NINL: variants seen among roughly 807,000 people sequenced by gnomAD.
The protein encoded by NINL is ninein like, also known as ninein-like protein.
A neutral mutation model predicts 160.3 loss-of-function variants in NINL; 153 were observed. That is an observed-to-expected ratio of 0.95 (90% confidence interval 0.84 to 1.09). The LOEUF is 1.09. Ranked by LOEUF, NINL falls within the 50% of genes least tolerant of loss-of-function variation. The probability of loss-of-function intolerance (pLI) is 0.00; values close to 1 mark genes in which losing one functional copy is unlikely to be tolerated. For missense variants in NINL, 1,829 were observed against 1,764.0 expected, an observed-to-expected ratio of 1.04 and a Z score of -0.66; for synonymous variants, 800 against 734.8, an observed-to-expected ratio of 1.09 and a Z score of -1.43.
intron 10 of NINL, among the ~76,000 whole-genome samples, chr20:25,492,127 C>A (rs1010705298): frequency 6.6e-6 from 1 of 152,188 alleles, no homozygotes; most frequent in African/African-American, 2.4e-5. Context: ...ACCAGCGAGG[C>A]TCCTACTTCT....
At chr20:25,510,860 T>TC in intron 4 of NINL, 120 bp from the exon 5 acceptor site, 1 of 766,778 alleles carries the variant, frequency 1.3e-6, no homozygotes, top group South Asian at 1.7e-5. Flanking sequence ...ATGGAGTCAA[T>TC]CCCTCAGAGG....
At chr20:25,550,938 G>T (rs2064800982) in intron 1 of NINL, among the ~76,000 whole-genome samples, 1 of 152,130 alleles carries the variant, frequency 6.6e-6, no homozygotes, top group Non-Finnish European at 1.5e-5. Context: ...GGACGGTAAG[G>T]TCTTTCCTTT....
At chr20:25,546,223 T>C (rs2064730272) in intron 1 of NINL, among the ~76,000 whole-genome samples, 1 of 152,198 alleles carries the variant, frequency 6.6e-6, no homozygotes, top group Non-Finnish European at 1.5e-5. Flanking sequence ...GGTTTTCCAT[T>C]AACACCTTCA....
At chr20:25,510,778 G>T in intron 4 of NINL, 38 bp from the exon 5 acceptor site, 1 of 1,535,232 alleles carries the variant, frequency 6.5e-7, no homozygotes, top group East Asian at 2.3e-5. Flanking sequence ...TGAGTTCCAG[G>T]GGGTGCTGCT....
intron 16 of NINL, among the ~76,000 whole-genome samples, chr20:25,478,138 CAGG>C (rs1789739088): frequency 1.3e-5 from 2 of 152,040 alleles, no homozygotes; most frequent in Admixed American, 1.3e-4. Flanking sequence ...TTAGTAGAGA[CAGG>C]GTTTCACCAT....
At chr20:25,512,321 A>G (rs1469908265) in intron 4 of NINL, among the ~76,000 whole-genome samples, 1 of 152,014 alleles carries the variant, frequency 6.6e-6, no homozygotes, top group Non-Finnish European at 1.5e-5. Context: ...TCCCTTTTCT[A>G]CTCTTAGCAC....
chr20:25,506,029 C>A (rs969542577), intron 5 of NINL, among the ~76,000 whole-genome samples: 6 of 152,162 alleles, frequency 3.9e-5, no homozygotes, highest in African/African-American at 1.4e-4. Context: ...TTTGGGAGAC[C>A]AAGGCGGGTA....
At chr20:25,529,909 A>C (rs914176154) in intron 1 of NINL, among the ~76,000 whole-genome samples, 1 of 152,202 alleles carries the variant, frequency 6.6e-6, no homozygotes, top group African/African-American at 2.4e-5. Context: ...AAAGGCAAGG[A>C]ATGGGGACAG....
intron 14 of NINL, among the ~76,000 whole-genome samples, chr20:25,480,805 GGGCAGGGA>G (rs2063371998): frequency 6.6e-6 from 1 of 152,194 alleles, no homozygotes; most frequent in South Asian, 2.1e-4. Context: ...TGAGACTGAC[GGGCAGGGA>G]GGTGTGACAG....
At position 25,452,810 on chromosome 20, in the gene NINL, ACT is replaced by A. The variant is rs1491579427; in HGVS notation, c.*639_*640del. The A allele has an allele frequency of 1.2e-4, 15 of 127,898 alleles. No individual in the cohort carries two copies. The highest frequency in any genetic ancestry group is 4.4e-4 in the African/African-American group (15 of 34,414). 7.9% of individuals were successfully genotyped at this position (127,898 alleles called of 1,614,324 possible). ...GCATACATTTCAAATATAAAACTAT[ACT>A]TTTTTTTTTTTTTACATATAGTACA... On this transcript the variant is annotated 3_prime_UTR_variant, in exon 24 of 24. Coordinates refer to ENST00000278886, the MANE Select transcript of NINL (RefSeq NM_025176.6).
chr20:25,509,297 G>A (rs187058691), intron 5 of NINL, among the ~76,000 whole-genome samples: 188 of 152,088 alleles, frequency 1.2e-3, no homozygotes, highest in Non-Finnish European at 2.4e-3. Context: ...CAGCCCAGAC[G>A]CATCAGTGAC....
chr20:25,585,147 G>A (rs1043432230), intron 1 of NINL, among the ~76,000 whole-genome samples: 34 of 152,298 alleles, frequency 2.2e-4, no homozygotes, highest in African/African-American at 8.2e-4. Context: ...TTGGGGCTGT[G>A]CTGGACCCGG....
rs770834458 is a variant in NINL at position 25,504,124 on chromosome 20, T to C, written c.709-20A>G. The C allele has an allele frequency of 7.8e-6, 12 of 1,546,088 alleles. No individual in the cohort carries two copies. Among genetic ancestry groups the C allele is most frequent in the African/African-American group, 6.9e-5 (5 of 72,770 alleles). ...GAGTTCCTAAACAAAAGCCGTCATA[T>C]CTCAGGCCCACCCACAAGAGCTCCA... On this transcript the variant is annotated intron_variant, in intron 6 of 23. Coordinates refer to ENST00000278886, the MANE Select transcript of NINL (RefSeq NM_025176.6).
In NINL at chr20:25,510,730, G is replaced by C. The variant is rs1052416755; in HGVS notation, c.461C>G (p.Ser154Ter). Reference protein sequence around the residue: ...ASLESVESPKSDEEAESTKEA... With the variant: ...ASLESVESPK ...TTTAGTGCTCTCGGCCTCTTCATCT[G>C]ACTTGGGACTCTGTAGAAAGATGCA... The change falls in exon 5 of 24, where the codon TCA (serine) becomes TGA (stop). Residue 154 changes from serine (S) to a stop codon, truncating the protein, a stop_gained. Transcript: ENST00000278886. LOFTEE classifies it high-confidence loss of function. 14 of 1,613,240 alleles carry C rather than the reference G, an allele frequency of 8.7e-6. No homozygotes were observed. The highest frequency in any genetic ancestry group is 1.2e-5 in the Non-Finnish European group (14 of 1,179,618).
intron 7 of NINL, among the ~76,000 whole-genome samples, chr20:25,501,298 C>T (rs1290465233): frequency 1.3e-5 from 2 of 152,276 alleles, no homozygotes; most frequent in Non-Finnish European, 2.9e-5. Flanking sequence ...CCCCAGTCAG[C>T]ACACTCATCA....
At position 25,546,235 on chromosome 20, in the gene NINL, A is replaced by G. The variant is rs1463243385; in HGVS notation, c.-11-19637T>C. ...TTGGGTTTTCCATTAACACCTTCAC[A>G]GCATACACTTGAGTTTTTAAGGTTG... On this transcript the variant is annotated intron_variant, in intron 1 of 23. Coordinates refer to ENST00000278886, the MANE Select transcript of NINL (RefSeq NM_025176.6). 2.6e-5 allele frequency among the ~76,000 whole-genome samples: 4 copies of G among 152,278 alleles called. No homozygotes were observed. In the East Asian group the frequency reaches 5.8e-4, roughly 22 times the overall value.
At chr20:25,549,072 C>T (rs1312996579) in intron 1 of NINL, among the ~76,000 whole-genome samples, 25 of 116,026 alleles carry the variant, frequency 2.2e-4, no homozygotes, top group Middle Eastern at 7.9e-3. Flanking sequence ...CCGGCACCCA[C>T]GGCCACACCT....
At chr20:25,542,980 C>T (rs1304390109) in intron 1 of NINL, among the ~76,000 whole-genome samples, 2 of 141,768 alleles carry the variant, frequency 1.4e-5, no homozygotes, top group African/African-American at 5.2e-5. Flanking sequence ...GTGGAGGCTG[C>T]AGTGAGCCAA....
intron 7 of NINL, among the ~76,000 whole-genome samples, chr20:25,503,112 T>C (rs1373842874): frequency 1.1e-4 from 15 of 141,982 alleles, no homozygotes; most frequent in South Asian, 2.3e-4. Context: ...CTGAGCAGCA[T>C]GTTCCTCACC....
Sources: gnomAD v4.1 joint callset for allele counts (sites outside exome capture counted in the v4.1 genomes callset) on GRCh38, gnomAD v4.1.1 for gene constraint, MANE v1.5 for transcripts, NCBI Gene and HGNC (gene_info 2026-07-23, HGNC 2026-07-21) for gene names.